HHAT: variants seen among roughly 807,000 people sequenced by gnomAD.
The protein encoded by HHAT is protein-cysteine N-palmitoyltransferase HHAT.
A neutral mutation model predicts 70.8 loss-of-function variants in HHAT; 47 were observed. The observed-to-expected ratio is 0.66, with a 90% CI of 0.53 to 0.85. The LOEUF is 0.85. Ranked by LOEUF, HHAT falls within the 40% of genes least tolerant of loss-of-function variation. The pLI is 0.00. For synonymous variants in HHAT, 228 were observed against 247.6 expected, an observed-to-expected ratio of 0.92 and a Z score of 0.74; for missense variants, 609 against 604.8, an observed-to-expected ratio of 1.01 and a Z score of -0.07.
In HHAT at chr1:210,674,388, G is replaced by A. The variant is rs772761598; in HGVS notation, c.*9G>A. 1.9e-6 allele frequency: 3 copies of A among 1,610,860 alleles called. No homozygotes were observed. The highest frequency in any genetic ancestry group is 1.7e-5 in the Admixed American group (1 of 59,994). ...CCTACGCCACGGACTAATGCTGTTG[G>A]GCCCAGGCCAGTCCTTGTTGCTGGC... On this transcript the variant is annotated 3_prime_UTR_variant, in exon 12 of 12. Transcript: ENST00000261458.
intron 1 of HHAT, among the ~76,000 whole-genome samples, chr1:210,345,036 C>T (rs974846230): frequency 2.6e-5 from 4 of 152,298 alleles, no homozygotes; most frequent in Non-Finnish European, 4.4e-5. Context: ...GAGTCTAGAC[C>T]GTCTTCCCCA....
chr1:210,426,780 A>G (rs1245678594), intron 7 of HHAT, among the ~76,000 whole-genome samples: 1 of 152,126 alleles, frequency 6.6e-6, no homozygotes, highest in Non-Finnish European at 1.5e-5. Context: ...TGATGTGCAC[A>G]AGGATATTGG....
At chr1:210,451,753 A>AT (rs1045110942) in intron 7 of HHAT, among the ~76,000 whole-genome samples, 2 of 152,068 alleles carry the variant, frequency 1.3e-5, no homozygotes, top group African/African-American at 4.8e-5. Flanking sequence ...TAATTTTTAA[A>AT]TTTTTTATAG....
At chr1:210,475,306 G>T (rs954467492) in intron 8 of HHAT, among the ~76,000 whole-genome samples, 3 of 152,148 alleles carry the variant, frequency 2.0e-5, no homozygotes, top group African/African-American at 7.2e-5. Flanking sequence ...TACCTTTAAT[G>T]CAGGAACTTC....
chr1:210,394,429 T>C (rs2091660645), intron 4 of HHAT, among the ~76,000 whole-genome samples: 1 of 152,084 alleles, frequency 6.6e-6, no homozygotes, highest in African/African-American at 2.4e-5. Flanking sequence ...GCATTTGTTA[T>C]GATTGGATTG....
At chr1:210,357,641 G>A (rs565132925) in intron 2 of HHAT, among the ~76,000 whole-genome samples, 1 of 152,252 alleles carries the variant, frequency 6.6e-6, no homozygotes, top group Non-Finnish European at 1.5e-5. Context: ...CTAACATGGT[G>A]AAACCCCGTC....
intron 6 of HHAT, 43 bp from the exon 7 acceptor site, chr1:210,418,111 G>A (rs752974662): frequency 6.9e-6 from 11 of 1,593,094 alleles, no homozygotes; most frequent in Middle Eastern, 1.7e-4. Context: ...ACTGTTTTAG[G>A]AATCAAGGCA....
At position 210,533,706 on chromosome 1, in the gene HHAT, T is replaced by C. The variant is rs191001040; in HGVS notation, c.1043+20518T>C. On this transcript the variant is annotated intron_variant, in intron 9 of 11. Coordinates refer to ENST00000261458, the MANE Select transcript of HHAT (RefSeq NM_018194.6). Reference sequence around the variant, plus strand: ...CAAGCTATGTCATCATTGCTTTAAATTGGGGATCTTTAAATGGGTTCTGTA... The same window carrying C: ...CAAGCTATGTCATCATTGCTTTAAACTGGGGATCTTTAAATGGGTTCTGTA... 4.6e-5 allele frequency among the ~76,000 whole-genome samples: 7 copies of C among 152,322 alleles called. No homozygotes were observed. The East Asian group carries it at 7.7e-4, about 17-fold the overall frequency.
intron 11 of HHAT, among the ~76,000 whole-genome samples, chr1:210,643,076 AC>A (rs1276206579): frequency 6.6e-6 from 1 of 152,146 alleles, no homozygotes; most frequent in Non-Finnish European, 1.5e-5. Flanking sequence ...TATTTAATTG[AC>A]CCAGCAACAT....
intron 9 of HHAT, among the ~76,000 whole-genome samples, chr1:210,552,374 T>G (rs1271857277): frequency 2.0e-5 from 3 of 152,198 alleles, no homozygotes; most frequent in Non-Finnish European, 4.4e-5. Flanking sequence ...TGAGATGCTG[T>G]TCTTGAAAAC....
chr1:210,389,865 C>A (rs1197215970), intron 4 of HHAT, among the ~76,000 whole-genome samples: 1 of 152,184 alleles, frequency 6.6e-6, no homozygotes, highest in African/African-American at 2.4e-5. Context: ...CTGTACCTCA[C>A]AATATTGCCA....
chr1:210,596,414 C>G (rs1322817687), intron 10 of HHAT, among the ~76,000 whole-genome samples: 1 of 152,114 alleles, frequency 6.6e-6, no homozygotes, highest in African/African-American at 2.4e-5. Flanking sequence ...ATGTTCTACC[C>G]CTGTCTTTTC....
chr1:210,406,837 A>AGG (rs556583939), intron 6 of HHAT, among the ~76,000 whole-genome samples: 74 of 152,300 alleles, frequency 4.9e-4, no homozygotes, highest in African/African-American at 1.7e-3. Flanking sequence ...GGGGAAGTGA[A>AGG]GGGGCAGGTT....
At chr1:210,569,169 T>C (rs1655509346) in intron 9 of HHAT, among the ~76,000 whole-genome samples, 2 of 150,702 alleles carry the variant, frequency 1.3e-5, no homozygotes, top group Admixed American at 1.3e-4. Context: ...AGGTCAGGAG[T>C]TTGAGACCAG....
At chr1:210,669,940 T>A (rs2148981710) in intron 11 of HHAT, among the ~76,000 whole-genome samples, 1 of 151,730 alleles carries the variant, frequency 6.6e-6, no homozygotes, top group South Asian at 2.1e-4. Context: ...GGAATGGGGG[T>A]TGGGAGTCTC....
In HHAT at chr1:210,400,553, A is replaced by T; in HGVS notation, c.359A>T (p.His120Leu). The part of the protein sequence containing the change: ...GTPGVAMVLL[H>L]TTISFCVAQF... ...CCTGGTGTGGCTATGGTTTTGCTCCATACCACCATCTCTTTCTGCGTGGCC... is the reference window on the plus strand; with the variant it reads ...CCTGGTGTGGCTATGGTTTTGCTCCTTACCACCATCTCTTTCTGCGTGGCC... Residue 120 changes from histidine (H) to leucine (L), a missense_variant, in exon 5 of 12, where the codon CAT becomes CTT. Coordinates refer to ENST00000261458, the MANE Select transcript of HHAT (RefSeq NM_018194.6). The T allele has an allele frequency of 2.5e-6, 4 of 1,613,988 alleles. No individual in the cohort carries two copies. The highest frequency in any genetic ancestry group is 3.4e-6 in the Non-Finnish European group (4 of 1,179,992).
intron 5 of HHAT, among the ~76,000 whole-genome samples, chr1:210,404,103 G>A (rs1262935775): frequency 4.3e-4 from 66 of 152,302 alleles, no homozygotes; most frequent in Middle Eastern, 3.4e-3. Context: ...TGAAGAAGCT[G>A]TCAAAGTATC....
intron 4 of HHAT, among the ~76,000 whole-genome samples, chr1:210,392,689 G>A (rs2091534017): frequency 6.6e-6 from 1 of 152,116 alleles, no homozygotes; most frequent in South Asian, 2.1e-4. Flanking sequence ...TCCCACCTCT[G>A]CTTTACAAAG....
At chr1:210,469,504 C>G (rs2094163142) in intron 8 of HHAT, among the ~76,000 whole-genome samples, 1 of 152,094 alleles carries the variant, frequency 6.6e-6, no homozygotes, top group East Asian at 1.9e-4. Context: ...ACTCATCTCA[C>G]TGGATTGTTG....
Sources: gnomAD v4.1 joint callset for allele counts (sites outside exome capture counted in the v4.1 genomes callset) on GRCh38, gnomAD v4.1.1 for gene constraint, MANE v1.5 for transcripts, NCBI Gene and HGNC (gene_info 2026-07-23, HGNC 2026-07-21) for gene names.